The following SORCS3 variants were observed in gnomAD, a reference collection of about 807,000 sequenced individuals.
The protein encoded by SORCS3 is VPS10 domain-containing receptor SorCS3.
Under a neutral mutation model 146.3 loss-of-function variants are expected in SORCS3, and 57 were observed. The observed-to-expected ratio is 0.39, with a 90% CI of 0.31 to 0.49. The LOEUF is 0.49. Among genes scored for constraint, SORCS3 ranks in the 20% least tolerant of loss-of-function variants. The pLI is 0.92. For missense variants in SORCS3, 1,341 were observed against 1,575.5 expected, an observed-to-expected ratio of 0.85 and a Z score of 2.52; for synonymous variants, 653 against 618.5, an observed-to-expected ratio of 1.06 and a Z score of -0.83.
intron 1 of SORCS3, among the ~76,000 whole-genome samples, chr10:104,798,141 C>T (rs1273257115): frequency 6.6e-6 from 1 of 152,206 alleles, no homozygotes; most frequent in African/African-American, 2.4e-5. Context: ...CTGAGACTCT[C>T]TCAGTGCCAA....
chr10:104,892,439 T>A (rs889016506), intron 2 of SORCS3, among the ~76,000 whole-genome samples: 16 of 152,184 alleles, frequency 1.1e-4, no homozygotes, highest in African/African-American at 3.9e-4. Flanking sequence ...AAATAGTATC[T>A]GGCCGGGAGC....
chr10:105,253,070 T>C (rs111911268), intron 23 of SORCS3, among the ~76,000 whole-genome samples, 164 bp downstream of exon 23: 10 of 152,082 alleles, frequency 6.6e-5, no homozygotes, highest in African/African-American at 2.4e-4. Flanking sequence ...CAGGTGCAAA[T>C]AGACTGGAGC....
At chr10:105,143,713 A>G (rs1420184060) in intron 8 of SORCS3, among the ~76,000 whole-genome samples, 3 of 152,190 alleles carry the variant, frequency 2.0e-5, no homozygotes, top group Non-Finnish European at 4.4e-5. Flanking sequence ...TACATAAGAG[A>G]CTATTTAATT....
At chr10:105,058,094 T>C (rs1243342850) in intron 5 of SORCS3, among the ~76,000 whole-genome samples, 6 of 152,182 alleles carry the variant, frequency 3.9e-5, no homozygotes, top group Admixed American at 2.0e-4. Flanking sequence ...TGTCAAGTAA[T>C]TTGGGCAGAA....
In SORCS3 at chr10:105,112,114, C is replaced by T. The variant is rs138111704; in HGVS notation, c.1212+6599C>T. The stretch of plus-strand genomic sequence containing the variant: ...TTTTTGTGTGAATTTTAGCAGCTTC[C>T]CCACATAAAGCTTATGGTATTGTTA... On this transcript the variant is annotated intron_variant, in intron 7 of 26. Transcript: ENST00000369701. Among the ~76,000 whole-genome samples, 29 of 152,280 alleles carry T rather than the reference C, an allele frequency of 1.9e-4. No homozygotes were observed. The East Asian group carries it at 5.2e-3, about 27-fold the overall frequency.
chr10:104,915,495 C>T (rs2019015914), intron 2 of SORCS3, among the ~76,000 whole-genome samples: 1 of 134,722 alleles, frequency 7.4e-6, no homozygotes, highest in African/African-American at 2.8e-5. Context: ...TGTGTGCTTC[C>T]ACAACTCCAC....
chr10:105,189,608 A>G (rs2056500921), intron 14 of SORCS3, among the ~76,000 whole-genome samples: 1 of 152,140 alleles, frequency 6.6e-6, no homozygotes, highest in South Asian at 2.1e-4. Flanking sequence ...TCAAGTTTTC[A>G]TGGTGCTGCG....
chr10:104,915,324 G>A (rs2019013977), intron 2 of SORCS3, among the ~76,000 whole-genome samples: 1 of 152,104 alleles, frequency 6.6e-6, no homozygotes, highest in African/African-American at 2.4e-5. Context: ...GACCCCATAA[G>A]TTTTCTGGGC....
At chr10:104,958,502 G>A (rs2054768688) in intron 3 of SORCS3, among the ~76,000 whole-genome samples, 3 of 152,138 alleles carry the variant, frequency 2.0e-5, no homozygotes, top group African/African-American at 7.2e-5. Flanking sequence ...GGATTATCAG[G>A]TCGGCCATTG....
At chr10:105,257,107 G>T (rs2056936340) in intron 25 of SORCS3, among the ~76,000 whole-genome samples, 183 bp downstream of exon 25, 2 of 152,110 alleles carry the variant, frequency 1.3e-5, no homozygotes. Flanking sequence ...TTGAGACTCT[G>T]AACTCTATCT....
intron 2 of SORCS3, 151 bp downstream of exon 2, chr10:104,843,010 C>G (rs1430451941): frequency 1.5e-6 from 1 of 654,724 alleles, no homozygotes; most frequent in Non-Finnish European, 2.7e-6. Flanking sequence ...ACTGATGGCC[C>G]CCACCTGTGA....
intron 1 of SORCS3, among the ~76,000 whole-genome samples, chr10:104,837,674 C>T (rs928287278): frequency 2.9e-4 from 44 of 152,188 alleles, no homozygotes; most frequent in African/African-American, 1.1e-3. Context: ...GTTATCTTTA[C>T]CCCTGGGCCT....
intron 5 of SORCS3, among the ~76,000 whole-genome samples, chr10:105,066,039 A>T (rs2055520603): frequency 1.3e-5 from 2 of 152,230 alleles, no homozygotes; most frequent in Admixed American, 1.3e-4. Context: ...GAATTGGAGT[A>T]TCTCTGTTTA....
chr10:104,920,133 C>G (rs1388866733), intron 3 of SORCS3, among the ~76,000 whole-genome samples: 1 of 152,198 alleles, frequency 6.6e-6, no homozygotes, highest in African/African-American at 2.4e-5. Flanking sequence ...TTTCATCAGT[C>G]AGCCAATGGC....
chr10:105,212,416 G>T (rs989852261), intron 17 of SORCS3, among the ~76,000 whole-genome samples: 15 of 152,196 alleles, frequency 9.9e-5, no homozygotes, highest in Non-Finnish European at 1.8e-4. Flanking sequence ...TGAGGAAAGG[G>T]AGTATTATGC....
intron 1 of SORCS3, among the ~76,000 whole-genome samples, chr10:104,670,724 T>C (rs2015841007): frequency 6.6e-6 from 1 of 152,196 alleles, no homozygotes; most frequent in African/African-American, 2.4e-5. Context: ...AAAAACATCA[T>C]TGGGATTTTG....
chr10:105,037,629 T>G (rs766976436), intron 4 of SORCS3, among the ~76,000 whole-genome samples: 1 of 152,154 alleles, frequency 6.6e-6, no homozygotes, highest in Admixed American at 6.5e-5. Context: ...CCTGTCTGCT[T>G]ATGAGCCTAC....
intron 22 of SORCS3, among the ~76,000 whole-genome samples, chr10:105,250,409 A>G (rs556759424): frequency 5.9e-4 from 90 of 152,160 alleles, no homozygotes; most frequent in Non-Finnish European, 1.1e-3. Context: ...TGTAATTGCA[A>G]TAATAATAAT....
At chr10:104,943,520 G>A (rs1450729536) in intron 3 of SORCS3, among the ~76,000 whole-genome samples, 1 of 152,186 alleles carries the variant, frequency 6.6e-6, no homozygotes, top group Non-Finnish European at 1.5e-5. Flanking sequence ...CATGAATGCT[G>A]AGTGGAGACT....
Sources: allele counts gnomAD v4.1 joint callset (sites outside exome capture counted in the v4.1 genomes callset), GRCh38; gene constraint gnomAD v4.1.1; transcripts MANE v1.5; gene names NCBI Gene and HGNC (gene_info 2026-07-23, HGNC 2026-07-21).